Variants in RBFOX1 observed in about 807,000 individuals in gnomAD.
The protein encoded by RBFOX1 is RNA binding fox-1 homolog 1, also known as RNA binding protein fox-1 homolog 1.
In RBFOX1, 8 loss-of-function variants were observed where a neutral mutation model predicts 57.7. The ratio of observed to expected loss-of-function variants is 0.14; its 90% CI spans 0.08 to 0.25. RBFOX1 has a LOEUF of 0.25. Among genes scored for constraint, RBFOX1 ranks in the 10% least tolerant of loss-of-function variants. RBFOX1 has a pLI of 1.00. For synonymous variants in RBFOX1, 326 were observed against 222.4 expected (o/e 1.47, Z -4.15); for missense variants, 611 against 548.5 (o/e 1.11, Z -1.14).
intron 3 of RBFOX1, among the ~76,000 whole-genome samples, chr16:5,748,860 G>T (rs919556055): frequency 6.6e-6 from 1 of 152,100 alleles, no homozygotes; most frequent in Non-Finnish European, 1.5e-5. Flanking sequence ...GGAGCATTTA[G>T]CCCATTGACA....
chr16:6,971,706 T>C (rs1050333803), intron 3 of RBFOX1, among the ~76,000 whole-genome samples: 2 of 152,030 alleles, frequency 1.3e-5, no homozygotes, highest in Admixed American at 6.6e-5. Context: ...GTTAGGGTGT[T>C]GTTAGCAGAC....
intron 3 of RBFOX1, among the ~76,000 whole-genome samples, chr16:6,659,669 C>T (rs988037455): frequency 3.3e-5 from 5 of 152,036 alleles, no homozygotes; most frequent in African/African-American, 7.3e-5. Flanking sequence ...ACCCTGCTTG[C>T]GGTTTTCAAT....
intron 3 of RBFOX1, among the ~76,000 whole-genome samples, chr16:6,965,521 G>C (rs139835423): frequency 4.2e-4 from 64 of 152,218 alleles, no homozygotes; most frequent in African/African-American, 1.4e-3. Context: ...ATTTTTAGTA[G>C]AGGCAGGGTT....
Position 7,595,481 on chromosome 16 carries a change from A to G in RBFOX1, c.469-68A>G. On this transcript the variant is annotated intron_variant, in intron 7 of 15. Transcript: ENST00000550418. ...GAAATAGAAATTAAAGCGAGAGAAC[A>G]TTACCAAGTGGTCGTTGACTGAAAT... The G allele has an allele frequency of 4.8e-6, 6 of 1,251,272 alleles. No homozygotes were observed. In the South Asian group the frequency reaches 9.5e-5, roughly 20 times the overall value. 77.5% of individuals were successfully genotyped at this position (1,251,272 alleles called of 1,614,324 possible).
chr16:5,714,883 CAG>C lies in RBFOX1; in HGVS notation c.318+115923_318+115924del, dbSNP rs202154497. ...AAGGTCACGTAGCTAGTAGACATCT[CAG>C]TGACTTCAGTGTCAAACACAGAGGC... On this transcript the variant is annotated intron_variant, in intron 3 of 19. Transcript: ENST00000641259. Among the ~76,000 whole-genome samples the C allele has an allele frequency of 6.4e-3, 979 of 152,324 alleles. 7 individuals carry two copies. The highest frequency in any genetic ancestry group is 0.021 in the African/African-American group (892 of 41,566).
At chr16:6,443,488 T>C (rs894894521) in intron 2 of RBFOX1, among the ~76,000 whole-genome samples, 3 of 152,180 alleles carry the variant, frequency 2.0e-5, no homozygotes, top group African/African-American at 7.2e-5. Context: ...AACTCTCTAG[T>C]ACACAAGGAC....
chr16:5,807,266 T>C (rs1299517845), intron 3 of RBFOX1, among the ~76,000 whole-genome samples: 2 of 152,168 alleles, frequency 1.3e-5, no homozygotes, highest in Admixed American at 1.3e-4. Flanking sequence ...GGGCTGTGGA[T>C]ATGAATTGCA....
intron 3 of RBFOX1, among the ~76,000 whole-genome samples, chr16:5,787,547 T>C (rs1415568982): frequency 6.6e-6 from 1 of 152,040 alleles, no homozygotes; most frequent in African/African-American, 2.4e-5. Context: ...TTTAAGTGGG[T>C]AGGATGGGAT....
intron 4 of RBFOX1, among the ~76,000 whole-genome samples, chr16:7,324,638 A>G (rs368822424): frequency 6.6e-6 from 1 of 152,158 alleles, no homozygotes; most frequent in African/African-American, 2.4e-5. Flanking sequence ...TTCAGAGGAG[A>G]ATCAGGTCAG....
chr16:5,787,200 T>C (rs1486298639), intron 3 of RBFOX1, among the ~76,000 whole-genome samples: 1 of 152,058 alleles, frequency 6.6e-6, no homozygotes, highest in African/African-American at 2.4e-5. Context: ...TTGTAATGAC[T>C]CCACAGGGCC....
chr16:7,472,336 A>T (rs947815306), intron 4 of RBFOX1, among the ~76,000 whole-genome samples: 3 of 152,076 alleles, frequency 2.0e-5, no homozygotes, highest in Non-Finnish European at 4.4e-5. Flanking sequence ...GGAGGAGGGG[A>T]TCTTCGTCAA....
intron 1 of RBFOX1, among the ~76,000 whole-genome samples, chr16:5,320,750 C>T (rs968087550): frequency 6.6e-6 from 1 of 152,094 alleles, no homozygotes; most frequent in African/African-American, 2.4e-5. Context: ...TCCTGGCCAC[C>T]CTTGATATCG....
At chr16:6,829,320 A>G (rs1342774566) in intron 3 of RBFOX1, among the ~76,000 whole-genome samples, 1 of 152,022 alleles carries the variant, frequency 6.6e-6, no homozygotes, top group East Asian at 1.9e-4. Flanking sequence ...ACATAAATAC[A>G]TATATAAGGA....
rs57556084 is a variant in RBFOX1, at chr16:6,925,109, G to GTTTTTTTT, written c.-15-126913_-15-126906dup. 4.4e-3 allele frequency among the ~76,000 whole-genome samples: 198 copies of GTTTTTTTT among 45,248 alleles called. 43 individuals carry two copies. Among genetic ancestry groups the GTTTTTTTT allele is most frequent in the African/African-American group, 0.014 (153 of 11,330 alleles). 29.7% of individuals were successfully genotyped at this position (45,248 alleles called of 152,430 possible). On this transcript the variant is annotated intron_variant, in intron 3 of 15. Transcript: ENST00000550418. Reference sequence around the variant, plus strand: ...TCGTTGTTGGACATCTAGGTTGTTGGTTTTTTTTTTTTTTTTTTTTTTTTT... The same window carrying GTTTTTTTT: ...TCGTTGTTGGACATCTAGGTTGTTGGTTTTTTTTTTTTTTTTTTTTTTTTTTTTTTTTT...
intron 3 of RBFOX1, among the ~76,000 whole-genome samples, chr16:6,935,982 T>TAA (rs2077302929): frequency 6.6e-6 from 1 of 152,190 alleles, no homozygotes; most frequent in African/African-American, 2.4e-5. Context: ...AGGCAGTGAT[T>TAA]GCATATCTGG....
chr16:7,670,836 T>C (rs1295228636), intron 13 of RBFOX1, among the ~76,000 whole-genome samples: 1 of 152,200 alleles, frequency 6.6e-6, no homozygotes, highest in Non-Finnish European at 1.5e-5. Context: ...AAGATTAATC[T>C]TGACCATGAA....
At chr16:6,687,398 C>G (rs1275608094) in intron 3 of RBFOX1, among the ~76,000 whole-genome samples, 1 of 152,080 alleles carries the variant, frequency 6.6e-6, no homozygotes, top group African/African-American at 2.4e-5. Context: ...TATAATTCAC[C>G]CATGTAACCA....
intron 2 of RBFOX1, among the ~76,000 whole-genome samples, chr16:6,556,633 G>T (rs78778377): frequency 6.6e-6 from 1 of 152,132 alleles, no homozygotes; most frequent in Non-Finnish European, 1.5e-5. Context: ...AAGATGGCAT[G>T]TATTGAGATG....
chr16:7,490,680 A>G (rs927705707), intron 4 of RBFOX1, among the ~76,000 whole-genome samples: 1 of 152,238 alleles, frequency 6.6e-6, no homozygotes, highest in Non-Finnish European at 1.5e-5. Context: ...GTGCTAGTTC[A>G]TAAGTCCAAG....
Sources: allele counts gnomAD v4.1 joint callset (sites outside exome capture counted in the v4.1 genomes callset), GRCh38; gene constraint gnomAD v4.1.1; transcripts MANE v1.5; gene names NCBI Gene and HGNC (gene_info 2026-07-23, HGNC 2026-07-21).